Variants in CELF2 observed in about 807,000 individuals in gnomAD.
CELF2 encodes the protein CUGBP Elav-like family member 2.
A neutral mutation model predicts 62.6 loss-of-function variants in CELF2; 8 were observed. That is an observed-to-expected ratio of 0.13 (90% CI 0.07 to 0.23). The LOEUF is 0.23. CELF2 is among the 10% of genes least tolerant of loss of function. The pLI, the probability that CELF2 is intolerant of heterozygous loss-of-function variation, is 1.00. For missense variants in CELF2, 333 were observed against 671.0 expected, an observed-to-expected ratio of 0.50 and a Z score of 5.56; for synonymous variants, 258 against 250.0, an observed-to-expected ratio of 1.03 and a Z score of -0.30.
At chr10:11,182,918 G>C (rs540986194) in intron 2 of CELF2, among the ~76,000 whole-genome samples, 223 of 152,142 alleles carry the variant, frequency 1.5e-3, no homozygotes, top group African/African-American at 5.3e-3. Context: ...CATTCCTACT[G>C]TTGTCACCCT....
chr10:11,130,940 T>C (rs1412689083), intron 1 of CELF2, among the ~76,000 whole-genome samples: 1 of 152,234 alleles, frequency 6.6e-6, no homozygotes, highest in Non-Finnish European at 1.5e-5. Context: ...AAAGTAGATT[T>C]TAGTGCATTT....
intron 2 of CELF2, among the ~76,000 whole-genome samples, chr10:11,199,500 C>T (rs968971096): frequency 6.6e-6 from 1 of 152,024 alleles, no homozygotes; most frequent in East Asian, 1.9e-4. Flanking sequence ...GAGCCTGAAT[C>T]AGAAGGGTCT....
the CELF2 span, among the ~76,000 whole-genome samples, chr10:10,509,001 A>G: frequency 6.6e-6 from 1 of 152,094 alleles, no homozygotes; most frequent in Non-Finnish European, 1.5e-5. Context: ...TTAATGCAAT[A>G]ATAATGATCA....
intron 1 of CELF2, among the ~76,000 whole-genome samples, chr10:11,144,241 G>A (rs2132373873): frequency 6.6e-6 from 1 of 151,972 alleles, no homozygotes; most frequent in Middle Eastern, 3.4e-3. Context: ...TTGTGAGTAA[G>A]AAGGAAAAAA....
At chr10:11,185,883 C>T (rs751351324) in intron 2 of CELF2, among the ~76,000 whole-genome samples, 1 of 152,206 alleles carries the variant, frequency 6.6e-6, no homozygotes, top group Non-Finnish European at 1.5e-5. Context: ...CTCTCCTCTT[C>T]AGTTTCCTGG....
chr10:10,753,544 A>G, the CELF2 span, among the ~76,000 whole-genome samples: 1 of 152,214 alleles, frequency 6.6e-6, no homozygotes, highest in Admixed American at 6.5e-5. Flanking sequence ...GCCCACTCCC[A>G]GACCAGAAAT....
At chr10:10,468,976 T>G in the CELF2 span, among the ~76,000 whole-genome samples, 1 of 151,954 alleles carries the variant, frequency 6.6e-6, no homozygotes, top group Non-Finnish European at 1.5e-5. Flanking sequence ...TTCAGACGTT[T>G]TATAAAAAGT....
rs1270446590 is a variant in CELF2, at chr10:11,331,720, T to C, written c.*2667T>C. 2 of 152,620 alleles carry C rather than the reference T, an allele frequency of 1.3e-5. No homozygotes were observed. The highest frequency in any genetic ancestry group is 2.4e-5 in the African/African-American group (1 of 41,436). 9.5% of individuals were successfully genotyped at this position (152,620 alleles called of 1,614,324 possible). A position where few individuals can be genotyped will look rare whatever the true frequency, so the allele number is the denominator to read the frequency against. On this transcript the variant is annotated 3_prime_UTR_variant, in exon 13 of 13. Coordinates refer to ENST00000633077, the MANE Select transcript of CELF2 (RefSeq NM_001326342.2). ...TCTCTCTGATGTTTTTTGTAAGACA[T>C]TGTATAAGTGCCCATGTCCCACTTT...
chr10:10,920,458 G>A (rs2064786240), intron 2 of CELF2, among the ~76,000 whole-genome samples: 1 of 152,182 alleles, frequency 6.6e-6, no homozygotes, highest in Non-Finnish European at 1.5e-5. Context: ...AGTATTGATA[G>A]TATAAGTGCA....
At chr10:11,152,792 C>G (rs146711283) in intron 1 of CELF2, among the ~76,000 whole-genome samples, 2,461 of 152,248 alleles carry the variant, frequency 0.016, 34 homozygotes, top group Non-Finnish European at 0.025. Context: ...GTTTCTCTGA[C>G]CTGCTAAAAT....
the CELF2 span, among the ~76,000 whole-genome samples, chr10:10,555,662 C>T: frequency 2.0e-5 from 3 of 152,118 alleles, no homozygotes; most frequent in Admixed American, 2.0e-4. Flanking sequence ...ATACCCTGTA[C>T]CATTTAGGAC....
the CELF2 span, among the ~76,000 whole-genome samples, chr10:10,761,736 A>AGCCTGCT: frequency 1.3e-5 from 2 of 152,114 alleles, no homozygotes; most frequent in African/African-American, 4.8e-5. Flanking sequence ...CTGGGTCTTG[A>AGCCTGCT]GCCTGCTGGC....
the CELF2 span, among the ~76,000 whole-genome samples, chr10:10,792,207 C>A: frequency 1.3e-5 from 2 of 152,118 alleles, no homozygotes; most frequent in African/African-American, 4.8e-5. Context: ...TGTAATCAAT[C>A]AATAATCAAT....
At position 11,207,819 on chromosome 10, in the gene CELF2, T is replaced by C. The variant is rs890177545; in HGVS notation, c.272-9606T>C. Among the ~76,000 whole-genome samples, 1 of 152,200 alleles carries C rather than the reference T, an allele frequency of 6.6e-6. No individual in the cohort carries two copies. The highest frequency in any genetic ancestry group is 1.5e-5 in the Non-Finnish European group (1 of 68,038). ...TAATTGGATACGGTTTCCTTAAAAG[T>C]AGATTTCTACAGGATGAGGCGTTCG... On this transcript the variant is annotated intron_variant, in intron 2 of 12. Coordinates refer to ENST00000633077, the MANE Select transcript of CELF2 (RefSeq NM_001326342.2). The surrounding 1 kb of genome is among the most constrained non-coding windows in gnomAD (Gnocchi z 4.1).
chr10:10,570,186 C>A, the CELF2 span, among the ~76,000 whole-genome samples: 1 of 152,140 alleles, frequency 6.6e-6, no homozygotes, highest in Admixed American at 6.5e-5. Flanking sequence ...AGCAGCAATG[C>A]CTCAGGGTGA....
At chr10:10,795,181 C>T (rs1035019312), upstream of CELF2, among the ~76,000 whole-genome samples, 4 of 150,264 alleles carry the variant, frequency 2.7e-5, no homozygotes, top group Admixed American at 6.7e-5. Flanking sequence ...AGGAAAGTGA[C>T]GAGACTTGTT....
chr10:10,656,941 G>A, the CELF2 span, among the ~76,000 whole-genome samples: 53 of 147,978 alleles, frequency 3.6e-4, no homozygotes, highest in African/African-American at 1.1e-3. Context: ...AAAAGAAAAC[G>A]TGTCCACACA....
intron 2 of CELF2, among the ~76,000 whole-genome samples, chr10:11,215,180 G>A (rs1013901041): frequency 6.6e-6 from 1 of 152,172 alleles, no homozygotes; most frequent in Non-Finnish European, 1.5e-5. Context: ...CACCTTCCTA[G>A]TGGACTCTCA....
chr10:10,600,141 C>T, the CELF2 span, among the ~76,000 whole-genome samples: 21 of 152,350 alleles, frequency 1.4e-4, no homozygotes, highest in Admixed American at 1.3e-3. Context: ...ACACTTACAA[C>T]TCTGTCCTCA....
Sources: gnomAD v4.1 joint callset for allele counts (sites outside exome capture counted in the v4.1 genomes callset) on GRCh38, gnomAD v4.1.1 for gene constraint, Gnocchi (gnomAD v3.1) non-coding constraint, MANE v1.5 for transcripts, NCBI Gene and HGNC (gene_info 2026-07-23, HGNC 2026-07-21) for gene names.